ATRX: variants seen among roughly 807,000 people sequenced by gnomAD.
The protein encoded by ATRX is ATRX chromatin remodeler.
A neutral mutation model predicts 172.6 loss-of-function variants in ATRX; 12 were observed. The observed-to-expected ratio is 0.07, with a 90% CI of 0.04 to 0.11. The LOEUF is 0.11. Ranked by LOEUF, ATRX falls within the 10% of genes least tolerant of loss-of-function variation. The pLI is 1.00. For missense variants in ATRX, 1,368 were observed against 1,767.4 expected (o/e 0.77, Z 4.05); for synonymous variants, 674 against 594.7 (o/e 1.13, Z -1.94).
chrX:77,557,438 T>C lies in ATRX; in HGVS notation c.6699+13A>G, dbSNP rs2064847307. 1 of 1,205,730 alleles carries C rather than the reference T, an allele frequency of 8.3e-7. No homozygotes were observed. Among genetic ancestry groups the C allele is most frequent in the Admixed American group, 2.2e-5 (1 of 45,609 alleles). On this transcript the variant is annotated intron_variant, in intron 30 of 34. Coordinates refer to ENST00000373344, the MANE Select transcript of ATRX (RefSeq NM_000489.6). ...ACGTTGGTTTGTTAAGCCAATAATC[T>C]AAATATGTTTACCTTTGGCAGCATG...
intron 20 of ATRX, among the ~76,000 whole-genome samples, chrX:77,619,959 C>A (rs948359408): frequency 1.8e-5 from 2 of 111,744 alleles, no homozygotes; most frequent in Non-Finnish European, 3.8e-5. Flanking sequence ...ACTGTCCTGC[C>A]ATGGATTCAG....
At chrX:77,585,583 CAAAAAAA>C (rs781792876) in intron 27 of ATRX, among the ~76,000 whole-genome samples, 4 of 8,551 alleles carry the variant, frequency 4.7e-4, no homozygotes, top group Non-Finnish European at 6.5e-4. Context: ...CTCCCCCCAC[CAAAAAAA>C]AAAAAAAAAA....
At chrX:77,735,808 CTAAATAAA>C (rs201962494) in intron 1 of ATRX, among the ~76,000 whole-genome samples, 7 of 70,422 alleles carry the variant, frequency 9.9e-5, no homozygotes, top group East Asian at 4.4e-4. Context: ...TCTCAAAAAA[CTAAATAAA>C]TAAATAAATA....
intron 1 of ATRX, among the ~76,000 whole-genome samples, chrX:77,728,875 C>T (rs2074173293): frequency 9.4e-6 from 1 of 106,450 alleles, no homozygotes; most frequent in Admixed American, 1.0e-4. Context: ...AATTCTCCTG[C>T]CTCAACCTCC....
Position 77,682,166 on chromosome X carries a change from C to T in ATRX, c.3090G>A (p.Lys1030=), listed in dbSNP as rs1557138210. 5 of 1,210,849 alleles carry T rather than the reference C, an allele frequency of 4.1e-6. No individual in the cohort carries two copies. The South Asian group carries it at 8.8e-5, about 21-fold the overall frequency. Residue 1030 remains lysine, a synonymous_variant, in exon 9 of 35, where the codon AAG becomes AAA. Transcript: ENST00000373344. ...TTCCATTCTTAATTTGTTTTATGCC[C>T]TTAGGAAAATGACAAATTTCTTCTC... The part of the protein sequence containing the change: ...PEREEICHFP[K]GIKQIKNGTT...
At chrX:77,655,304 A>C (rs1557119399) in intron 13 of ATRX, among the ~76,000 whole-genome samples, 1 of 111,369 alleles carries the variant, frequency 9.0e-6, no homozygotes, top group East Asian at 2.8e-4. Context: ...AAGAAAAAAA[A>C]TGGTTAAGAT....
rs546539726 is a variant in ATRX at position 77,618,689 on chromosome X, T to C, written c.5448+117A>G. 1.6e-4 allele frequency: 114 copies of C among 722,384 alleles called. 2 individuals are homozygous for C. The South Asian group carries it at 2.8e-3, about 18-fold the overall frequency. 59.5% of individuals were successfully genotyped at this position (722,384 alleles called of 1,213,427 possible). A position where few individuals can be genotyped will look rare whatever the true frequency, so the allele number is the denominator to read the frequency against. On this transcript the variant is annotated intron_variant, in intron 21 of 34. Coordinates refer to ENST00000373344, the MANE Select transcript of ATRX (RefSeq NM_000489.6). ...GCAAGGAGATATAACTGTAAAACTA[T>C]CTACTGAAAGAGCGGGAAAGAAAAC...
intron 1 of ATRX, among the ~76,000 whole-genome samples, chrX:77,742,076 GT>G (rs1167267507): frequency 9.0e-6 from 1 of 111,102 alleles, no homozygotes; most frequent in Non-Finnish European, 1.9e-5. Context: ...TTGGGCATAG[GT>G]AGTAATGATC....
chrX:77,644,754 A>T (rs1274816044), intron 15 of ATRX, among the ~76,000 whole-genome samples: 1 of 110,880 alleles, frequency 9.0e-6, no homozygotes, highest in Non-Finnish European at 1.9e-5. Context: ...ACAAAAAGGG[A>T]TGGGAGGGAA....
At chrX:77,598,770 C>T (rs958763261) in intron 25 of ATRX, among the ~76,000 whole-genome samples, 1 of 111,943 alleles carries the variant, frequency 8.9e-6, no homozygotes, top group African/African-American at 3.2e-5. Flanking sequence ...CAACTTAAAC[C>T]ACTGCAGAGT....
In ATRX at chrX:77,616,695, A is replaced by G. The variant is rs782803109; in HGVS notation, c.5484T>C (p.Pro1828=). Residue 1828 remains proline (P), a synonymous_variant, in exon 22 of 35, where the codon CCT becomes CCC. Coordinates refer to ENST00000373344, the MANE Select transcript of ATRX (RefSeq NM_000489.6). ...CAGCTAACACATATTCGTGTTTTGG[A>G]GGCAAGAATTTTGTTAATGCTGTAT... The part of the protein sequence containing the change: ...KDYTALTKFL[P]PKHEYVLAVR... 1.4e-5 allele frequency: 17 copies of G among 1,200,635 alleles called. No homozygotes were observed. The highest frequency in any genetic ancestry group is 1.8e-5 in the Non-Finnish European group (16 of 886,848).
At chrX:77,565,406 C>T (rs1557064021) in intron 28 of ATRX, among the ~76,000 whole-genome samples, 1 of 112,149 alleles carries the variant, frequency 8.9e-6, no homozygotes, top group African/African-American at 3.2e-5. Flanking sequence ...AATCAACAGA[C>T]ACCAACACTG....
intron 1 of ATRX, among the ~76,000 whole-genome samples, chrX:77,748,592 A>T (rs782367970): frequency 8.4e-4 from 90 of 106,802 alleles, no homozygotes; most frequent in East Asian, 4.9e-3. Flanking sequence ...TTTTATTTTT[A>T]TTTTTTTTTT....
chrX:77,553,830 T>C (rs1266748227), intron 30 of ATRX, among the ~76,000 whole-genome samples: 1 of 111,871 alleles, frequency 8.9e-6, no homozygotes, highest in African/African-American at 3.2e-5. Flanking sequence ...ATTTCTATTA[T>C]AGGATCTGTA....
chrX:77,698,831 G>A, intron 2 of ATRX: 2 of 446,902 alleles, frequency 4.5e-6, no homozygotes, highest in East Asian at 8.3e-5. Flanking sequence ...TCCTTATAAA[G>A]CATGAAATCT....
chrX:77,629,165 A>C (rs915614917), intron 19 of ATRX, among the ~76,000 whole-genome samples: 2 of 112,337 alleles, frequency 1.8e-5, no homozygotes, highest in African/African-American at 6.5e-5. Flanking sequence ...TTCCATCTTG[A>C]ACTTCAATTT....
At chrX:77,529,134 C>A (rs2063489428) in intron 30 of ATRX, among the ~76,000 whole-genome samples, 1 of 111,614 alleles carries the variant, frequency 9.0e-6, no homozygotes, top group Non-Finnish European at 1.9e-5. Context: ...AGGAATGAAC[C>A]TCTGAGAATT....
chrX:77,784,463 T>A (rs1557206771), intron 1 of ATRX, among the ~76,000 whole-genome samples: 1 of 112,491 alleles, frequency 8.9e-6, no homozygotes, highest in African/African-American at 3.2e-5. Context: ...AACTATAGTT[T>A]CAAATGTAGA....
At chrX:77,556,227 G>A (rs2064781064) in intron 30 of ATRX, among the ~76,000 whole-genome samples, 1 of 13,767 alleles carries the variant, frequency 7.3e-5, no homozygotes. Context: ...GAGAGGGAGA[G>A]AGGGAGAGAG....
Sources: gnomAD v4.1 joint callset for allele counts (sites outside exome capture counted in the v4.1 genomes callset) on GRCh38, gnomAD v4.1.1 for gene constraint, MANE v1.5 for transcripts, NCBI Gene and HGNC (gene_info 2026-07-23, HGNC 2026-07-21) for gene names.